Variants in RYR2 observed in about 807,000 individuals in gnomAD.
RYR2 encodes cardiac muscle ryanodine receptor-calcium release channel.
Under a neutral mutation model 601.1 loss-of-function variants are expected in RYR2, and 227 were observed. The observed-to-expected ratio is 0.38, with a 90% CI of 0.34 to 0.42. The LOEUF is 0.42. RYR2 is among the 10% of genes least tolerant of loss of function. The pLI, the probability that RYR2 is intolerant of heterozygous loss-of-function variation, is 1.00. For synonymous variants in RYR2, 2,223 were observed against 2,175.1 expected, an observed-to-expected ratio of 1.02 and a Z score of -0.61; for missense variants, 4,646 against 6,156.5, an observed-to-expected ratio of 0.75 and a Z score of 8.21.
At position 237,610,716 on chromosome 1, in the gene RYR2, A is replaced by G. The variant is rs372318308; in HGVS notation, c.4684-46A>G. The G allele has an allele frequency of 2.7e-6, 4 of 1,470,668 alleles. No homozygotes were observed. Among genetic ancestry groups the G allele is most frequent in the Non-Finnish European group, 3.7e-6 (4 of 1,079,614 alleles). The allele number at this position is 1,470,668 out of a possible 1,614,324, so 91.1% of individuals were successfully genotyped here. A position where few individuals can be genotyped will look rare whatever the true frequency, so the allele number is the denominator to read the frequency against. ...TTCTAGTCATTACTTTGTGAACCCC[A>G]AGGGATGTTCTACATTTATTCTTTT... On this transcript the variant is annotated intron_variant, in intron 35 of 104. Coordinates refer to ENST00000366574, the MANE Select transcript of RYR2 (RefSeq NM_001035.3). The surrounding 1 kb of genome is among the most constrained non-coding windows in gnomAD (Gnocchi z 4.9).
At chr1:237,468,359 G>A (rs1243018773) in intron 16 of RYR2, among the ~76,000 whole-genome samples, 1 of 152,142 alleles carries the variant, frequency 6.6e-6, no homozygotes, top group Admixed American at 6.5e-5. Flanking sequence ...AAAAGTGAGT[G>A]TATAAACTAG....
chr1:237,495,930 A>C (rs975864885), intron 19 of RYR2, among the ~76,000 whole-genome samples: 1 of 152,204 alleles, frequency 6.6e-6, no homozygotes, highest in Non-Finnish European at 1.5e-5. Context: ...AGACAAAATA[A>C]CATTAGTTCC....
intron 9 of RYR2, among the ~76,000 whole-genome samples, 160 bp from the exon 10 acceptor site, chr1:237,387,927 G>T (rs1453080695): frequency 3.2e-5 from 4 of 125,134 alleles, no homozygotes; most frequent in Admixed American, 9.8e-5. Context: ...GACTCAGAGG[G>T]AACAGCAGGC....
At chr1:237,173,666 C>T (rs1005815363) in intron 1 of RYR2, among the ~76,000 whole-genome samples, 1 of 152,210 alleles carries the variant, frequency 6.6e-6, no homozygotes, top group African/African-American at 2.4e-5. Flanking sequence ...CCTGTCTATA[C>T]ACGCACACAG....
chr1:237,447,203 G>A (rs1407682045), intron 14 of RYR2, among the ~76,000 whole-genome samples: 3 of 152,110 alleles, frequency 2.0e-5, no homozygotes, highest in Non-Finnish European at 2.9e-5. Flanking sequence ...CCAAAAACTG[G>A]TTATTTGTTT....
intron 20 of RYR2, among the ~76,000 whole-genome samples, chr1:237,498,152 C>T (rs1177837451): frequency 6.6e-6 from 1 of 152,058 alleles, no homozygotes; most frequent in East Asian, 1.9e-4. Context: ...AAGTGTGAGC[C>T]ACCGTACCCA....
At chr1:237,643,051 C>T (rs1681732421) in intron 47 of RYR2, among the ~76,000 whole-genome samples, 1 of 152,136 alleles carries the variant, frequency 6.6e-6, no homozygotes, top group Non-Finnish European at 1.5e-5. Flanking sequence ...TCTTAACAGT[C>T]CCCAAAAGGA....
At chr1:237,459,788 G>C (rs1050562331) in intron 16 of RYR2, among the ~76,000 whole-genome samples, 1 of 152,094 alleles carries the variant, frequency 6.6e-6, no homozygotes, top group African/African-American at 2.4e-5. Context: ...AAAATGTTGG[G>C]GACTTGGTGG....
intron 2 of RYR2, among the ~76,000 whole-genome samples, chr1:237,325,728 A>G (rs1407626328): frequency 6.6e-6 from 1 of 152,136 alleles, no homozygotes; most frequent in African/African-American, 2.4e-5. Flanking sequence ...TATTAAAAAA[A>G]GAAAAAGGAC....
At chr1:237,107,837 C>T (rs967109025) in intron 1 of RYR2, among the ~76,000 whole-genome samples, 4 of 152,322 alleles carry the variant, frequency 2.6e-5, no homozygotes, top group Non-Finnish European at 4.4e-5. Context: ...CATCCACCTC[C>T]CCTGCACAGG....
At chr1:237,399,936 G>A (rs1056727060) in intron 10 of RYR2, among the ~76,000 whole-genome samples, 2 of 152,024 alleles carry the variant, frequency 1.3e-5, no homozygotes, top group African/African-American at 4.8e-5. Context: ...GAGAACAAAG[G>A]ATAAAGAAGT....
chr1:237,334,786 A>T (rs1039603694), intron 3 of RYR2, among the ~76,000 whole-genome samples: 8 of 152,036 alleles, frequency 5.3e-5, no homozygotes. Context: ...CTACCTCTGT[A>T]TTGCTCTTCT....
Position 237,472,683 on chromosome 1 carries a change from TA to T in RYR2, c.1708+3508del, listed in dbSNP as rs34226963. On this transcript the variant is annotated intron_variant, in intron 17 of 104. Coordinates refer to ENST00000366574, the MANE Select transcript of RYR2 (RefSeq NM_001035.3). ...GAATGTGTGATAGGATATATTTTTGTAAAAAAAAAAAAGTGAAGATGAAAGT... is the reference window on the plus strand; with the variant it reads ...GAATGTGTGATAGGATATATTTTTGTAAAAAAAAAAAGTGAAGATGAAAGT... 7.1e-3 allele frequency among the ~76,000 whole-genome samples: 1,040 copies of T among 146,320 alleles called. 3 individuals are homozygous for T. The highest frequency in any genetic ancestry group is 0.018 in the South Asian group (83 of 4,676).
At chr1:237,250,308 G>A (rs1687317877) in intron 1 of RYR2, among the ~76,000 whole-genome samples, 1 of 152,140 alleles carries the variant, frequency 6.6e-6, no homozygotes, top group Non-Finnish European at 1.5e-5. Context: ...GTCTCTAAGT[G>A]CTTTGAGTGC....
intron 41 of RYR2, 58 bp downstream of exon 41, chr1:237,628,138 C>T: frequency 1.3e-6 from 2 of 1,561,044 alleles, no homozygotes; most frequent in Non-Finnish European, 1.8e-6. Context: ...ATTGTTATAC[C>T]TATAGAGCAG....
At chr1:237,594,912 T>TTTTG (rs1675700002) in intron 33 of RYR2, among the ~76,000 whole-genome samples, 1 of 73,266 alleles carries the variant, frequency 1.4e-5, no homozygotes, top group African/African-American at 3.7e-5. Flanking sequence ...TTTTTTTTTT[T>TTTTG]TTTTTTTTTT....
intron 24 of RYR2, among the ~76,000 whole-genome samples, chr1:237,527,951 G>A (rs1037021459): frequency 1.3e-4 from 20 of 152,136 alleles, no homozygotes; most frequent in African/African-American, 3.6e-4. Context: ...GCGAATCATC[G>A]CTTTGTCCCC....
intron 1 of RYR2, among the ~76,000 whole-genome samples, chr1:237,098,544 A>G (rs1247970870): frequency 2.0e-5 from 3 of 152,194 alleles, no homozygotes; most frequent in African/African-American, 4.8e-5. Flanking sequence ...CTAAGGCTGG[A>G]TGAATGGATA....
chr1:237,384,752 CCCCAA>C (rs1344718009), intron 8 of RYR2, among the ~76,000 whole-genome samples: 2 of 152,134 alleles, frequency 1.3e-5, no homozygotes, highest in Non-Finnish European at 2.9e-5. Flanking sequence ...CCCTCAAAGC[CCCCAA>C]CCCATGAGAA....
Sources: gnomAD v4.1 joint callset for allele counts (sites outside exome capture counted in the v4.1 genomes callset) on GRCh38, gnomAD v4.1.1 for gene constraint, Gnocchi (gnomAD v3.1) non-coding constraint, MANE v1.5 for transcripts, NCBI Gene and HGNC (gene_info 2026-07-23, HGNC 2026-07-21) for gene names.